The following POLR2E variants were observed in gnomAD, a reference collection of about 807,000 sequenced individuals.
POLR2E encodes DNA-directed RNA polymerases I, II, and III subunit RPABC1.
Under a neutral mutation model 29.8 loss-of-function variants are expected in POLR2E, and 35 were observed. The ratio of observed to expected loss-of-function variants is 1.17; its 90% confidence interval spans 0.90 to 1.55. POLR2E has a LOEUF of 1.55. Ranked by LOEUF, POLR2E falls within the 40% of genes most tolerant of loss-of-function variation. POLR2E has a pLI of 0.00. For missense variants in POLR2E, 287 were observed against 288.6 expected, an observed-to-expected ratio of 0.99 and a Z score of 0.04; for synonymous variants, 174 against 112.6, an observed-to-expected ratio of 1.55 and a Z score of -3.45.
chr19:1,094,334 A>G, intron 1 of POLR2E: 1 of 464,954 alleles, frequency 2.2e-6, no homozygotes. Flanking sequence ...AGCCTCACAG[A>G]AACCTGGCAG....
At chr19:1,090,236 C>T (rs542603057) in intron 4 of POLR2E, 91 bp from the exon 5 acceptor site, 6 of 1,098,316 alleles carry the variant, frequency 5.5e-6, no homozygotes, top group African/African-American at 3.1e-5. Context: ...CGCCTTCAGA[C>T]GGACAAGAGC....
At chr19:1,093,481 C>T (rs565170050) in intron 2 of POLR2E, among the ~76,000 whole-genome samples, 4 of 141,034 alleles carry the variant, frequency 2.8e-5, no homozygotes, top group East Asian at 5.0e-4. Flanking sequence ...GCATGGGGTG[C>T]GGAGGAATGG....
At chr19:1,094,256 A>AT (rs1232860090) in intron 1 of POLR2E, 178 bp from the exon 2 acceptor site, 1 of 593,458 alleles carries the variant, frequency 1.7e-6, no homozygotes, top group East Asian at 3.0e-5. Flanking sequence ...ACACCACAGG[A>AT]TGGGACCAGT....
rs748134093 is a variant in POLR2E at position 1,095,318 on chromosome 19, C to A, written c.-3G>T. 6.2e-7 allele frequency: 1 copy of A among 1,612,372 alleles called. No homozygotes were observed. Among genetic ancestry groups the A allele is most frequent in the South Asian group, 1.1e-5 (1 of 91,070 alleles). Reference sequence around the variant, plus strand: ...TACGTCTCCTCCTCGTCGTCCATGGCAGCCTCCGCCGCCGCCGCCGCTCGC... The same window carrying A: ...TACGTCTCCTCCTCGTCGTCCATGGAAGCCTCCGCCGCCGCCGCCGCTCGC... On this transcript the variant is annotated 5_prime_UTR_variant, in exon 1 of 8. Coordinates refer to ENST00000615234, the MANE Select transcript of POLR2E (RefSeq NM_002695.5).
Position 1,089,457 on chromosome 19 carries a change from C to G in POLR2E, c.*14+15G>C. ...CTCTGACCCCACCTCAGTGCCTGTC[C>G]CTCGGCCGTCTCACCTGTCAGGCGG... is the stretch of plus-strand genomic sequence containing the variant. On this transcript the variant is annotated intron_variant, in intron 7 of 7. Transcript: ENST00000615234. 6.3e-7 allele frequency: 1 copy of G among 1,584,136 alleles called. No individual in the cohort carries two copies. The highest frequency in any genetic ancestry group is 8.7e-7 in the Non-Finnish European group (1 of 1,153,530).
In POLR2E at chr19:1,095,317, G is replaced by A. The variant is rs1386665687; in HGVS notation, c.-2C>T. Reference sequence around the variant, plus strand: ...GTACGTCTCCTCCTCGTCGTCCATGGCAGCCTCCGCCGCCGCCGCCGCTCG... The same window carrying A: ...GTACGTCTCCTCCTCGTCGTCCATGACAGCCTCCGCCGCCGCCGCCGCTCG... On this transcript the variant is annotated 5_prime_UTR_variant, in exon 1 of 8. Transcript: ENST00000615234. 6.2e-7 allele frequency: 1 copy of A among 1,612,364 alleles called. No homozygotes were observed. The highest frequency in any genetic ancestry group is 1.3e-5 in the African/African-American group (1 of 74,882).
In POLR2E at chr19:1,095,351, C is replaced by T. The variant is rs775795831; in HGVS notation, c.-36G>A. On this transcript the variant is annotated 5_prime_UTR_variant, in exon 1 of 8. Coordinates refer to ENST00000615234, the MANE Select transcript of POLR2E (RefSeq NM_002695.5). ...GCCGCCGCCGCCGCTCGCACCCCTT[C>T]TCCGCGCGAGAACCCGCGCGGACTG... 6.2e-7 allele frequency: 1 copy of T among 1,611,718 alleles called. No homozygotes were observed. The highest frequency in any genetic ancestry group is 1.1e-5 in the South Asian group (1 of 90,990).
rs1421932629 is a variant in POLR2E at position 1,095,324 on chromosome 19, C to G, written c.-9G>C. On this transcript the variant is annotated 5_prime_UTR_variant, in exon 1 of 8. Transcript: ENST00000615234. ...TCCTCCTCGTCGTCCATGGCAGCCTCCGCCGCCGCCGCCGCTCGCACCCCT... is the reference window on the plus strand; with the variant it reads ...TCCTCCTCGTCGTCCATGGCAGCCTGCGCCGCCGCCGCCGCTCGCACCCCT... 2 of 1,592,808 alleles carry G rather than the reference C, an allele frequency of 1.3e-6. No individual in the cohort carries two copies. The highest frequency in any genetic ancestry group is 1.3e-5 in the African/African-American group (1 of 74,662).
At chr19:1,089,862 C>T in intron 6 of POLR2E, 22 bp downstream of exon 6, 2 of 1,589,832 alleles carry the variant, frequency 1.3e-6, no homozygotes, top group Non-Finnish European at 1.7e-6. Context: ...GCCCCAGGGC[C>T]CCTTCTCCCC....
In POLR2E at chr19:1,095,267, T is replaced by C. The variant is rs376699715; in HGVS notation, c.49A>G (p.Ile17Val). 1.7e-5 allele frequency: 28 copies of C among 1,613,050 alleles called. No individual in the cohort carries two copies. In the African/African-American group the frequency reaches 2.0e-4, roughly 12 times the overall value. The change falls in exon 1 of 8, where the codon ATC (isoleucine) becomes GTC (valine). Residue 17 changes from isoleucine (I) to valine (V), a missense_variant. By Grantham distance (29) the Ile-to-Val change is conservative. Coordinates refer to ENST00000615234, the MANE Select transcript of POLR2E (RefSeq NM_002695.5). The stretch of plus-strand genomic sequence containing the variant: ...CACCAGGCGCGGCTCACCTGCATGA[T>C]GGTCTTGCGGATTTTCCAGAGCCGG... ...TYRLWKIRKT[I>V]MQLCHDRGYL...
At chr19:1,089,393 A>G in intron 7 of POLR2E, 79 bp downstream of exon 7, 1 of 943,520 alleles carries the variant, frequency 1.1e-6, no homozygotes, top group South Asian at 1.4e-5. Context: ...ACAAAGCAAG[A>G]ACAGCCCTGC....
intron 5 of POLR2E, 41 bp from the exon 6 acceptor site, chr19:1,090,003 G>T (rs369834234): frequency 2.0e-4 from 315 of 1,563,152 alleles, no homozygotes; most frequent in Non-Finnish European, 2.2e-4. Flanking sequence ...AGGGCCGTTG[G>T]GGGGGCAGGG....
At chr19:1,093,091 C>T (rs1240350816) in intron 2 of POLR2E, among the ~76,000 whole-genome samples, 2 of 150,404 alleles carry the variant, frequency 1.3e-5, no homozygotes. Context: ...CAAGCTGAGG[C>T]AGGAGAATCG....
At chr19:1,093,404 G>A (rs888325169) in intron 2 of POLR2E, among the ~76,000 whole-genome samples, 1 of 152,104 alleles carries the variant, frequency 6.6e-6, no homozygotes, top group African/African-American at 2.4e-5. Flanking sequence ...GGTCCCAGGG[G>A]TCCTGGGAAA....
At chr19:1,090,627 C>G (rs1358931253) in intron 4 of POLR2E, among the ~76,000 whole-genome samples, 3 of 151,992 alleles carry the variant, frequency 2.0e-5, no homozygotes, top group African/African-American at 7.3e-5. Context: ...ACCGTGTTAG[C>G]CAGGATGGTC....
rs1280694806 is a variant in POLR2E, at chr19:1,086,757, G to A, written c.*1978C>T. The A allele has an allele frequency of 6.6e-6, 1 of 152,184 alleles. No homozygotes were observed. The highest frequency in any genetic ancestry group is 1.9e-4 in the East Asian group (1 of 5,300). The allele number at this position is 152,184 out of a possible 1,614,324, so 9.4% of individuals were successfully genotyped here. A position where few individuals can be genotyped will look rare whatever the true frequency, so the allele number is the denominator to read the frequency against. On this transcript the variant is annotated 3_prime_UTR_variant, in exon 8 of 8. Transcript: ENST00000615234. ...GGGCCTCCCCCTAGGGGAGGGATGT[G>A]TGAGGAAGGGAACCCCCCGCCACGG...
Position 1,094,048 on chromosome 19 carries a change from G to A in POLR2E, c.88C>T (p.Gln30Ter), listed in dbSNP as rs765523565. 1.2e-6 allele frequency: 2 copies of A among 1,612,988 alleles called. No individual in the cohort carries two copies. The highest frequency in any genetic ancestry group is 1.3e-5 in the African/African-American group (1 of 74,828). The change falls in exon 2 of 8, where the codon CAG becomes TAG. Residue 30 changes from glutamine to a stop codon, truncating the protein, a stop_gained. Transcript: ENST00000615234. LOFTEE classifies it high-confidence loss of function. ...TCCAGGGTCTGGTCAAGCTCGTCCTGGGTCACCAGATAGCCACGGTCGTGG... is the reference window on the plus strand; with the variant it reads ...TCCAGGGTCTGGTCAAGCTCGTCCTAGGTCACCAGATAGCCACGGTCGTGG... The part of the protein sequence containing the change: ...LCHDRGYLVT[Q>*]DELDQTLEEF...
intron 1 of POLR2E, 142 bp downstream of exon 1, chr19:1,095,117 C>A: frequency 3.7e-6 from 3 of 817,134 alleles, no homozygotes; most frequent in Admixed American, 2.7e-5. Context: ...GTATCCCCGG[C>A]GACCTCTGGG....
intron 1 of POLR2E, chr19:1,094,295 C>T: frequency 2.0e-6 from 1 of 512,544 alleles, no homozygotes; most frequent in Non-Finnish European, 3.4e-6. Flanking sequence ...CAGAGATGTC[C>T]AGCCTTGACC....
Sources: allele counts gnomAD v4.1 joint callset (sites outside exome capture counted in the v4.1 genomes callset), GRCh38; gene constraint gnomAD v4.1.1; transcripts MANE v1.5; gene names NCBI Gene and HGNC (gene_info 2026-07-23, HGNC 2026-07-21).